NXPH1: variants seen among roughly 807,000 people sequenced by gnomAD.
NXPH1 encodes neurexophilin 1, also known as neurexophilin-1.
In NXPH1, 5 loss-of-function variants were observed where a neutral mutation model predicts 23.7. The ratio of observed to expected loss-of-function variants is 0.21; its 90% confidence interval spans 0.11 to 0.44. NXPH1 has a LOEUF of 0.44. NXPH1 is among the 20% of genes least tolerant of loss of function. The probability of loss-of-function intolerance (pLI) is 0.99; values close to 1 mark genes in which losing one functional copy is unlikely to be tolerated. For missense variants in NXPH1, 324 were observed against 321.6 expected, an observed-to-expected ratio of 1.01 and a Z score of -0.06; for synonymous variants, 144 against 122.2, an observed-to-expected ratio of 1.18 and a Z score of -1.18.
intron 2 of NXPH1, among the ~76,000 whole-genome samples, chr7:8,720,004 T>C (rs1399127657): frequency 9.2e-5 from 14 of 152,164 alleles, no homozygotes; most frequent in Non-Finnish European, 5.9e-5. Flanking sequence ...GGCTATGAAG[T>C]CCTTGCTGAA....
chr7:8,470,653 A>C (rs1816858030), intron 2 of NXPH1, among the ~76,000 whole-genome samples: 1 of 152,150 alleles, frequency 6.6e-6, no homozygotes, highest in Middle Eastern at 3.2e-3. Flanking sequence ...GCATGAAATA[A>C]ACACCCACCT....
intron 2 of NXPH1, among the ~76,000 whole-genome samples, chr7:8,689,902 A>G (rs963405039): frequency 1.3e-5 from 2 of 152,174 alleles, no homozygotes; most frequent in African/African-American, 4.8e-5. Flanking sequence ...AGGAGACACC[A>G]CTATTAATAA....
chr7:8,529,291 T>C (rs1284935602), intron 2 of NXPH1, among the ~76,000 whole-genome samples: 1 of 152,224 alleles, frequency 6.6e-6, no homozygotes, highest in East Asian at 1.9e-4. Context: ...CCTTTTGCCA[T>C]GTAAAGTGAC....
At chr7:8,450,705 A>G (rs967198509) in intron 2 of NXPH1, among the ~76,000 whole-genome samples, 1 of 152,250 alleles carries the variant, frequency 6.6e-6, no homozygotes, top group Non-Finnish European at 1.5e-5. Flanking sequence ...ATTTTGCAGC[A>G]GTATCATCTT....
intron 2 of NXPH1, among the ~76,000 whole-genome samples, chr7:8,733,674 G>A (rs983707933): frequency 2.0e-5 from 3 of 151,976 alleles, no homozygotes; most frequent in Admixed American, 6.5e-5. Flanking sequence ...CCACATAAAT[G>A]TCTTCTTTCG....
At chr7:8,618,783 TAAG>T (rs1248073873) in intron 2 of NXPH1, among the ~76,000 whole-genome samples, 1 of 152,230 alleles carries the variant, frequency 6.6e-6, no homozygotes, top group Non-Finnish European at 1.5e-5. Flanking sequence ...TGAATCTGCA[TAAG>T]AAGAACTGGA....
chr7:8,631,687 G>A (rs544131702), intron 2 of NXPH1, among the ~76,000 whole-genome samples: 15 of 152,056 alleles, frequency 9.9e-5, no homozygotes, highest in African/African-American at 2.4e-4. Context: ...AACAGTTTTC[G>A]GTCACCACAA....
At chr7:8,678,093 G>T (rs995679541) in intron 2 of NXPH1, among the ~76,000 whole-genome samples, 2 of 152,148 alleles carry the variant, frequency 1.3e-5, no homozygotes, top group African/African-American at 2.4e-5. Flanking sequence ...ACTTTTGAGA[G>T]AAAATGTTGG....
intron 2 of NXPH1, among the ~76,000 whole-genome samples, chr7:8,554,643 A>G (rs537069544): frequency 6.6e-6 from 1 of 151,848 alleles, no homozygotes; most frequent in African/African-American, 2.4e-5. Context: ...AAGAGGCTCT[A>G]GAGATACCTG....
chr7:8,630,645 T>A (rs1397928193), intron 2 of NXPH1, among the ~76,000 whole-genome samples: 1 of 152,194 alleles, frequency 6.6e-6, no homozygotes, highest in African/African-American at 2.4e-5. Flanking sequence ...ACTGAACTTT[T>A]ATGTCTTGAG....
intron 2 of NXPH1, among the ~76,000 whole-genome samples, chr7:8,724,234 A>T (rs1395230011): frequency 6.6e-6 from 1 of 152,196 alleles, no homozygotes; most frequent in Non-Finnish European, 1.5e-5. Context: ...TGGGACCCTT[A>T]GTGACACAAT....
intron 2 of NXPH1, among the ~76,000 whole-genome samples, chr7:8,589,616 CAG>C (rs1358331499): frequency 6.6e-6 from 1 of 152,018 alleles, no homozygotes; most frequent in Non-Finnish European, 1.5e-5. Flanking sequence ...GTCATGCAGA[CAG>C]AGCAGGTGAG....
At chr7:8,604,324 C>A (rs374666625) in intron 2 of NXPH1, among the ~76,000 whole-genome samples, 1 of 152,138 alleles carries the variant, frequency 6.6e-6, no homozygotes, top group East Asian at 1.9e-4. Flanking sequence ...AAAAACATAT[C>A]TTGAGCACCT....
chr7:8,734,995 T>C (rs1043804303), intron 2 of NXPH1, among the ~76,000 whole-genome samples: 1 of 152,248 alleles, frequency 6.6e-6, no homozygotes, highest in African/African-American at 2.4e-5. Flanking sequence ...TGATTTTGTA[T>C]CCTGATACTT....
intron 2 of NXPH1, among the ~76,000 whole-genome samples, chr7:8,531,284 G>A (rs1817945330): frequency 1.3e-5 from 2 of 152,236 alleles, no homozygotes; most frequent in Non-Finnish European, 2.9e-5. Context: ...TAGCTATAGA[G>A]TGAATGAACA....
At chr7:8,560,700 C>G (rs1584232529) in intron 2 of NXPH1, among the ~76,000 whole-genome samples, 2 of 151,786 alleles carry the variant, frequency 1.3e-5, no homozygotes. Context: ...CAGCTTTTCT[C>G]AACCTTTTGT....
intron 2 of NXPH1, among the ~76,000 whole-genome samples, chr7:8,564,135 C>T (rs1193195959): frequency 6.6e-6 from 1 of 151,812 alleles, no homozygotes; most frequent in Non-Finnish European, 1.5e-5. Context: ...TATCTGCTCA[C>T]TCCTTGGGCA....
chr7:8,491,812 A>C (rs367911252), intron 2 of NXPH1, among the ~76,000 whole-genome samples: 13 of 152,196 alleles, frequency 8.5e-5, no homozygotes, highest in African/African-American at 3.1e-4. Context: ...GATCACATTC[A>C]GCATGCCAAA....
intron 2 of NXPH1, among the ~76,000 whole-genome samples, chr7:8,641,179 A>C (rs1452683241): frequency 1.3e-5 from 2 of 152,226 alleles, no homozygotes; most frequent in Admixed American, 6.5e-5. Flanking sequence ...GTATTTTATA[A>C]TTTTTAAGAA....
Sources: gnomAD v4.1 joint callset for allele counts (sites outside exome capture counted in the v4.1 genomes callset) on GRCh38, gnomAD v4.1.1 for gene constraint, MANE v1.5 for transcripts, NCBI Gene and HGNC (gene_info 2026-07-23, HGNC 2026-07-21) for gene names.